TCF7L1: variants seen among roughly 807,000 people sequenced by gnomAD.
TCF7L1 encodes the protein transcription factor 7 like 1.
A neutral mutation model predicts 63.7 loss-of-function variants in TCF7L1; 18 were observed. The observed-to-expected ratio is 0.28, with a 90% confidence interval of 0.20 to 0.42. The LOEUF is 0.42. TCF7L1 is among the 10% of genes least tolerant of loss of function. The pLI is 1.00. For missense variants in TCF7L1, 654 were observed against 779.3 expected (o/e 0.84, Z 1.91); for synonymous variants, 355 against 340.9 (o/e 1.04, Z -0.46).
At position 85,283,533 on chromosome 2, in the gene TCF7L1, C is replaced by T. The variant is rs199724004; in HGVS notation, c.480C>T (p.Ser160=). Residue 160 remains serine (S), a synonymous_variant, in exon 4 of 12, where the codon TCC becomes TCT. Transcript: ENST00000282111. ...AATGGCCCCTCCTCGATGTCCCCTC[C>T]AGCGCCACAGTCAAGGACACGAGGT... is the stretch of plus-strand genomic sequence containing the variant. The part of the protein sequence containing the change: ...QMKWPLLDVP[S]SATVKDTRSP... 6.2e-7 allele frequency: 1 copy of T among 1,614,056 alleles called. No individual in the cohort carries two copies.
chr2:85,302,473 GTC>G lies in TCF7L1; in HGVS notation c.526-7_526-6del. On this transcript the variant is annotated splice_polypyrimidine_tract_variant and intron_variant, in intron 4 of 11. Transcript: ENST00000282111. ...TTGGCAACCATTCCTGGTCTTTTTT[GTC>G]TCTTTCAGTCTAATAAAGTTCCTGT... 1.2e-6 allele frequency: 2 copies of G among 1,613,742 alleles called. No individual in the cohort carries two copies. Among genetic ancestry groups the G allele is most frequent in the Non-Finnish European group, 8.5e-7 (1 of 1,179,908 alleles).
chr2:85,158,186 C>T (rs966776287), intron 3 of TCF7L1, among the ~76,000 whole-genome samples: 2 of 152,192 alleles, frequency 1.3e-5, no homozygotes, highest in Non-Finnish European at 2.9e-5. Context: ...TGGCCCTCAA[C>T]GTCCACCCCA....
At position 85,262,026 on chromosome 2, in the gene TCF7L1, T is replaced by C. The variant is rs546647032; in HGVS notation, c.442-21469T>C. 13 of 525,394 alleles carry C rather than the reference T, an allele frequency of 2.5e-5. 1 individual carries two copies. The highest frequency in any genetic ancestry group is 1.7e-4 in the South Asian group (12 of 71,002). The allele number at this position is 525,394 out of a possible 1,614,324, so 32.5% of individuals were successfully genotyped here. ...GTATCCTTCTCAACAATTTCTCACTTCATTGATCATTTCTAGCTGGAGACA... is the reference window on the plus strand; with the variant it reads ...GTATCCTTCTCAACAATTTCTCACTCCATTGATCATTTCTAGCTGGAGACA... On this transcript the variant is annotated intron_variant, in intron 3 of 11. Coordinates refer to ENST00000282111, the MANE Select transcript of TCF7L1 (RefSeq NM_031283.3).
chr2:85,232,786 G>A (rs939888145), intron 3 of TCF7L1, among the ~76,000 whole-genome samples: 3 of 152,130 alleles, frequency 2.0e-5, no homozygotes, highest in Non-Finnish European at 4.4e-5. Context: ...CAGTGCTTCA[G>A]TTCTGGAATA....
rs114326245 is a variant in TCF7L1 at position 85,253,098 on chromosome 2, T to A, written c.442-30397T>A. On this transcript the variant is annotated intron_variant, in intron 3 of 11. Transcript: ENST00000282111. The stretch of plus-strand genomic sequence containing the variant: ...GGATGTGTAAACAGTGCAATAAGAC[T>A]ATGGAACAACAGACCGTGAGCCAGT... Among the ~76,000 whole-genome samples, 734 of 152,240 alleles carry A rather than the reference T, an allele frequency of 4.8e-3. 6 individuals carry two copies. The highest frequency in any genetic ancestry group is 0.017 in the African/African-American group (707 of 41,532).
In TCF7L1 at chr2:85,273,334, C is replaced by T. The variant is rs116859806; in HGVS notation, c.442-10161C>T. Among the ~76,000 whole-genome samples the T allele has an allele frequency of 3.2e-4, 49 of 152,358 alleles. 1 individual carries two copies. In the East Asian group the frequency reaches 8.9e-3, roughly 28 times the overall value. On this transcript the variant is annotated intron_variant, in intron 3 of 11. Coordinates refer to ENST00000282111, the MANE Select transcript of TCF7L1 (RefSeq NM_031283.3). ...CTCCATATTCGTCCTCCCCCATCCC[C>T]GCCATCCAGCAGATTATGTGCCCCA...
At chr2:85,184,125 C>G (rs1009145089) in intron 3 of TCF7L1, among the ~76,000 whole-genome samples, 1 of 152,072 alleles carries the variant, frequency 6.6e-6, no homozygotes, top group Non-Finnish European at 1.5e-5. Flanking sequence ...ACTGTTCACA[C>G]AGTTTGGCAG....
At chr2:85,248,370 C>T (rs1368209180) in intron 3 of TCF7L1, among the ~76,000 whole-genome samples, 1 of 152,158 alleles carries the variant, frequency 6.6e-6, no homozygotes, top group Non-Finnish European at 1.5e-5. Flanking sequence ...TGGAACTCTG[C>T]ATTTCTAACA....
intron 3 of TCF7L1, among the ~76,000 whole-genome samples, chr2:85,174,381 A>G (rs1247104688): frequency 2.0e-5 from 3 of 152,080 alleles, no homozygotes; most frequent in African/African-American, 7.2e-5. Context: ...ATATCCATTC[A>G]TCATTTGGGT....
intron 4 of TCF7L1, among the ~76,000 whole-genome samples, chr2:85,299,654 C>T (rs1012803091): frequency 4.0e-5 from 6 of 151,796 alleles, no homozygotes; most frequent in East Asian, 1.9e-4. Context: ...ATTGCTTGAG[C>T]GCAGGAGTTC....
At chr2:85,177,195 T>C (rs1417521358) in intron 3 of TCF7L1, among the ~76,000 whole-genome samples, 1 of 152,116 alleles carries the variant, frequency 6.6e-6, no homozygotes, top group Non-Finnish European at 1.5e-5. Flanking sequence ...AAGCCAGCTC[T>C]CTGGCCTCTT....
chr2:85,302,161 T>C (rs1331424703), intron 4 of TCF7L1, among the ~76,000 whole-genome samples: 1 of 152,016 alleles, frequency 6.6e-6, no homozygotes, highest in Non-Finnish European at 1.5e-5. Context: ...AAAACCTTTT[T>C]AGATTCAATG....
chr2:85,238,056 C>T (rs1680233750), intron 3 of TCF7L1, among the ~76,000 whole-genome samples: 1 of 152,186 alleles, frequency 6.6e-6, no homozygotes, highest in African/African-American at 2.4e-5. Context: ...CTCTCCCTGC[C>T]TGGCTCAGTT....
intron 3 of TCF7L1, among the ~76,000 whole-genome samples, chr2:85,254,455 T>G (rs1680661569): frequency 6.6e-6 from 1 of 152,230 alleles, no homozygotes; most frequent in African/African-American, 2.4e-5. Context: ...TTGGGGGGGC[T>G]TGAAGGTTGT....
intron 3 of TCF7L1, among the ~76,000 whole-genome samples, chr2:85,226,237 CTT>C (rs773498184): frequency 2.6e-4 from 40 of 152,106 alleles, no homozygotes; most frequent in Non-Finnish European, 4.7e-4. Context: ...CTAAAATTCT[CTT>C]TTTTTGCTGT....
intron 3 of TCF7L1, among the ~76,000 whole-genome samples, chr2:85,235,221 C>G (rs888779026): frequency 6.6e-6 from 1 of 152,146 alleles, no homozygotes; most frequent in African/African-American, 2.4e-5. Flanking sequence ...AAATGGCTGT[C>G]AGAATTGTTT....
chr2:85,133,860 A>G lies in TCF7L1; in HGVS notation c.176A>G (p.Gln59Arg), dbSNP rs1239511348. 2 of 1,514,566 alleles carry G rather than the reference A, an allele frequency of 1.3e-6. No homozygotes were observed. Among genetic ancestry groups the G allele is most frequent in the South Asian group, 2.5e-5 (2 of 78,918 alleles). 93.8% of individuals were successfully genotyped at this position (1,514,566 alleles called of 1,614,324 possible). ...CCGAGCAGCGATAGCGCCTCGGCGC[A>G]GCGGGACCTAGACGAGGTCAAGTCG... ...QEPSSDSASA[Q>R]RDLDEVKSSL... Residue 59 changes from glutamine (Q) to arginine (R), a missense_variant, in exon 1 of 12, where the codon CAG becomes CGG. Physicochemically the swap from Gln to Arg is conservative, Grantham distance 43. Transcript: ENST00000282111. The surrounding 1 kb of genome is among the most constrained non-coding windows in gnomAD (Gnocchi z 4.4).
In TCF7L1 at chr2:85,307,828, C is replaced by T. The variant is rs191368286; in HGVS notation, c.1333+111C>T. On this transcript the variant is annotated intron_variant, in intron 11 of 11. Coordinates refer to ENST00000282111, the MANE Select transcript of TCF7L1 (RefSeq NM_031283.3). ...GTCAGGGCTTCTGCCTCGGTATTCG[C>T]GGGCGGGTATTATTACCCCTTTCTC... 7.9e-4 allele frequency: 766 copies of T among 973,776 alleles called. 2 individuals are homozygous for T. The highest frequency in any genetic ancestry group is 1.1e-3 in the Non-Finnish European group (700 of 627,186). 60.3% of individuals were successfully genotyped at this position (973,776 alleles called of 1,614,324 possible). A position where few individuals can be genotyped will look rare whatever the true frequency, so the allele number is the denominator to read the frequency against.
At chr2:85,149,346 TAC>T (rs58712600) in intron 3 of TCF7L1, among the ~76,000 whole-genome samples, 163 of 151,838 alleles carry the variant, frequency 1.1e-3, no homozygotes, top group Middle Eastern at 3.4e-3. Context: ...TATATGTGTA[TAC>T]ACACACACAC....
Sources: allele counts gnomAD v4.1 joint callset (sites outside exome capture counted in the v4.1 genomes callset), GRCh38; gene constraint gnomAD v4.1.1; non-coding constraint Gnocchi (gnomAD v3.1); transcripts MANE v1.5; gene names NCBI Gene and HGNC (gene_info 2026-07-23, HGNC 2026-07-21).